TSPAN15: variants seen among roughly 807,000 people sequenced by gnomAD.
TSPAN15 encodes tetraspanin 15.
TSPAN15 carries 20 observed loss-of-function variants against 34.5 expected under a neutral mutation model. The observed-to-expected ratio is 0.58, with a 90% CI of 0.41 to 0.84. The LOEUF is 0.84. Among genes scored for constraint, TSPAN15 ranks in the 40% least tolerant of loss-of-function variants. The pLI is 0.00. For synonymous variants in TSPAN15, 155 were observed against 153.9 expected (o/e 1.01, Z -0.05); for missense variants, 313 against 386.1 (o/e 0.81, Z 1.59).
the TSPAN15 span, among the ~76,000 whole-genome samples, chr10:69,534,578 G>A: frequency 6.6e-6 from 1 of 152,106 alleles, no homozygotes; most frequent in Non-Finnish European, 1.5e-5. Context: ...GTGGAAAAAA[G>A]CAAATGAGTG....
Position 69,485,100 on chromosome 10 carries a change from A to T in TSPAN15, c.283-41A>T, listed in dbSNP as rs780146475. The T allele has an allele frequency of 3.1e-6, 5 of 1,590,670 alleles. No individual in the cohort carries two copies. The East Asian group carries it at 1.1e-4, about 36-fold the overall frequency. ...CCTCCCCTGTACCCCACACACGCCC[A>T]CTGCTCCTCTCCAGGTGAGTCTCTG... On this transcript the variant is annotated intron_variant, in intron 2 of 7. Transcript: ENST00000373290.
the TSPAN15 span, among the ~76,000 whole-genome samples, chr10:69,518,426 T>C: frequency 4.2e-5 from 5 of 117,814 alleles, no homozygotes; most frequent in African/African-American, 1.3e-4. Context: ...AAACTCTTGA[T>C]TTTTTTTCTT....
intron 5 of TSPAN15, among the ~76,000 whole-genome samples, chr10:69,499,593 A>G (rs996965162): frequency 2.6e-5 from 4 of 152,254 alleles, no homozygotes; most frequent in Admixed American, 2.6e-4. Context: ...TATGCCAGAC[A>G]CATTTCCAGG....
chr10:69,469,830 C>T (rs1225032005), intron 1 of TSPAN15, among the ~76,000 whole-genome samples: 1 of 152,090 alleles, frequency 6.6e-6, no homozygotes, highest in Non-Finnish European at 1.5e-5. Context: ...AAGCATAAGC[C>T]ACCATGCCCA....
chr10:69,475,573 G>A (rs539746193), intron 1 of TSPAN15, among the ~76,000 whole-genome samples: 1 of 152,290 alleles, frequency 6.6e-6, no homozygotes, highest in African/African-American at 2.4e-5. Context: ...ATTTGTGGTT[G>A]TTCTGGATTA....
At chr10:69,496,342 A>G (rs1357574561) in intron 4 of TSPAN15, among the ~76,000 whole-genome samples, 1 of 147,294 alleles carries the variant, frequency 6.8e-6, no homozygotes, top group African/African-American at 2.5e-5. Flanking sequence ...TAATAATAAT[A>G]ATAATAATAA....
intron 1 of TSPAN15, among the ~76,000 whole-genome samples, chr10:69,478,686 TA>T (rs1304710841): frequency 6.6e-6 from 1 of 152,172 alleles, no homozygotes; most frequent in African/African-American, 2.4e-5. Context: ...TTTAAATGCA[TA>T]AAACGAAATA....
the TSPAN15 span, chr10:69,523,764 A>G: frequency 6.2e-6 from 1 of 160,680 alleles, no homozygotes; most frequent in South Asian, 1.6e-4. Context: ...GTTGGTCTGT[A>G]TGTCTGTCCT....
intron 1 of TSPAN15, among the ~76,000 whole-genome samples, chr10:69,482,560 C>T (rs573320826): frequency 1.3e-5 from 2 of 152,294 alleles, no homozygotes; most frequent in East Asian, 3.9e-4. Context: ...CACGGGGTGA[C>T]CTGCCTGTTT....
intron 2 of TSPAN15, among the ~76,000 whole-genome samples, chr10:69,484,787 T>A (rs1289589179): frequency 6.6e-6 from 1 of 152,116 alleles, no homozygotes; most frequent in Non-Finnish European, 1.5e-5. Context: ...AGCCTGCCCA[T>A]TAAGCCAGGC....
At position 69,504,437 on chromosome 10, in the gene TSPAN15, G is replaced by T. The variant is rs375632866; in HGVS notation, c.571-1G>T. 1.2e-6 allele frequency: 2 copies of T among 1,613,468 alleles called. No homozygotes were observed. The highest frequency in any genetic ancestry group is 1.7e-6 in the Non-Finnish European group (2 of 1,179,512). ...TTAGCTATTATACATTTCCATTTCA[G>T]ACAGAAGTTGTCAACACCATGTGTG... On this transcript the variant is annotated splice_acceptor_variant, in intron 5 of 7. Transcript: ENST00000373290. LOFTEE classifies it high-confidence loss of function.
intron 1 of TSPAN15, among the ~76,000 whole-genome samples, chr10:69,455,848 T>C (rs1201361945): frequency 2.0e-5 from 3 of 151,974 alleles, no homozygotes; most frequent in Admixed American, 2.0e-4. Flanking sequence ...TGAACACACC[T>C]GTACACTGAG....
chr10:69,468,595 G>A (rs1019921575), intron 1 of TSPAN15, among the ~76,000 whole-genome samples: 1 of 151,522 alleles, frequency 6.6e-6, no homozygotes, highest in African/African-American at 2.4e-5. Flanking sequence ...CTGCTTCTGA[G>A]TTATCAGTTG....
At chr10:69,494,704 G>A (rs748535217) in intron 3 of TSPAN15, 226 of 985,296 alleles carry the variant, frequency 2.3e-4, no homozygotes, top group Non-Finnish European at 2.4e-4. Flanking sequence ...GTACGCTGTG[G>A]TGCCACCCCC....
At chr10:69,455,623 T>TCG in intron 1 of TSPAN15, among the ~76,000 whole-genome samples, 1 of 87,906 alleles carries the variant, frequency 1.1e-5, no homozygotes, top group Non-Finnish European at 2.4e-5. Context: ...TCTCTCTCTC[T>TCG]CTCCCCCCCC....
chr10:69,527,801 A>T, the TSPAN15 span, among the ~76,000 whole-genome samples: 1 of 147,702 alleles, frequency 6.8e-6, no homozygotes, highest in Non-Finnish European at 1.5e-5. Context: ...ATGGAGACAG[A>T]AGGTAGATTC....
At position 69,462,095 on chromosome 10, in the gene TSPAN15, C is replaced by T. The variant is rs1589623891; in HGVS notation, c.96+10405C>T. Among the ~76,000 whole-genome samples the T allele has an allele frequency of 3.3e-5, 5 of 151,852 alleles. No homozygotes were observed. The South Asian group carries it at 1.0e-3, about 32-fold the overall frequency. On this transcript the variant is annotated intron_variant, in intron 1 of 7. Coordinates refer to ENST00000373290, the MANE Select transcript of TSPAN15 (RefSeq NM_012339.5). ...TCCTGGGCTCAAGTGATCCTCCCAC[C>T]TCAGCCTCCTGAGTAGCTAGAACCA...
chr10:69,519,905 T>C, the TSPAN15 span, among the ~76,000 whole-genome samples: 4 of 152,144 alleles, frequency 2.6e-5, no homozygotes, highest in African/African-American at 9.7e-5. Flanking sequence ...GCTAATTTTG[T>C]ATTTTTAGTA....
At chr10:69,490,035 C>T (rs1040600049) in intron 3 of TSPAN15, among the ~76,000 whole-genome samples, 6 of 152,150 alleles carry the variant, frequency 3.9e-5, no homozygotes, top group East Asian at 1.9e-4. Context: ...CGGGCAGTAG[C>T]GGGTGTGTCT....
Sources: allele counts gnomAD v4.1 joint callset (sites outside exome capture counted in the v4.1 genomes callset), GRCh38; gene constraint gnomAD v4.1.1; transcripts MANE v1.5; gene names NCBI Gene and HGNC (gene_info 2026-07-23, HGNC 2026-07-21).